Variants in ASCC3 observed in about 807,000 individuals in gnomAD.
ASCC3 encodes ASC-1 complex subunit P200.
Under a neutral mutation model 256.3 loss-of-function variants are expected in ASCC3, and 158 were observed. That is an observed-to-expected ratio of 0.62 (90% CI 0.54 to 0.70). The LOEUF (loss-of-function observed/expected upper bound fraction) is 0.70. Among genes scored for constraint, ASCC3 ranks in the 30% least tolerant of loss-of-function variants. The pLI is 0.00. For missense variants in ASCC3, 2,259 were observed against 2,626.0 expected, an observed-to-expected ratio of 0.86 and a Z score of 3.05; for synonymous variants, 948 against 883.4, an observed-to-expected ratio of 1.07 and a Z score of -1.30.
intron 36 of ASCC3, among the ~76,000 whole-genome samples, chr6:100,568,244 T>C (rs1015931560): frequency 1.1e-4 from 17 of 151,776 alleles, no homozygotes; most frequent in African/African-American, 4.1e-4. Context: ...GGTGGGCGCC[T>C]ATAATCCCAG....
intron 13 of ASCC3, among the ~76,000 whole-genome samples, chr6:100,691,997 G>A (rs1175903758): frequency 6.6e-6 from 1 of 151,964 alleles, no homozygotes; most frequent in African/African-American, 2.4e-5. Flanking sequence ...AAGACACCTG[G>A]CACATGGAAG....
At chr6:100,573,303 G>A (rs1770691949) in intron 36 of ASCC3, among the ~76,000 whole-genome samples, 1 of 152,088 alleles carries the variant, frequency 6.6e-6, no homozygotes, top group Non-Finnish European at 1.5e-5. Context: ...TCTGGGACAT[G>A]AATCATGAAT....
chr6:100,664,763 C>T (rs1379359152), intron 14 of ASCC3, among the ~76,000 whole-genome samples: 1 of 152,112 alleles, frequency 6.6e-6, no homozygotes, highest in African/African-American at 2.4e-5. Flanking sequence ...GGTGTATTTG[C>T]TAAGAGCTCC....
chr6:100,604,216 G>A (rs1772769728), intron 33 of ASCC3, among the ~76,000 whole-genome samples: 1 of 151,836 alleles, frequency 6.6e-6, no homozygotes. Context: ...GCATTAGGTT[G>A]TTAATATCCT....
At chr6:100,785,184 A>G (rs990364684) in intron 8 of ASCC3, among the ~76,000 whole-genome samples, 24 of 152,172 alleles carry the variant, frequency 1.6e-4, no homozygotes, top group African/African-American at 5.5e-4. Context: ...AAGCACCTCA[A>G]AAGAGTAACC....
chr6:100,745,432 A>G (rs1780617374), intron 10 of ASCC3, among the ~76,000 whole-genome samples: 1 of 150,870 alleles, frequency 6.6e-6, no homozygotes. Flanking sequence ...GGTTGCAGTG[A>G]GCTGAAATTG....
chr6:100,585,735 T>C (rs951881588), intron 36 of ASCC3, among the ~76,000 whole-genome samples: 2 of 152,182 alleles, frequency 1.3e-5, no homozygotes, highest in Non-Finnish European at 2.9e-5. Flanking sequence ...TCTTTGATGA[T>C]GGTGATGTAC....
chr6:100,842,688 G>C (rs1772203546), intron 4 of ASCC3, among the ~76,000 whole-genome samples: 1 of 151,868 alleles, frequency 6.6e-6, no homozygotes, highest in Non-Finnish European at 1.5e-5. Flanking sequence ...AAATGATTTG[G>C]GGCTGGGTGC....
chr6:100,764,473 T>C (rs1781558074), intron 10 of ASCC3, among the ~76,000 whole-genome samples: 2 of 152,162 alleles, frequency 1.3e-5, no homozygotes, highest in African/African-American at 4.8e-5. Flanking sequence ...TGACTATAGT[T>C]TATATTGAGA....
intron 13 of ASCC3, among the ~76,000 whole-genome samples, chr6:100,695,053 C>A (rs1778019881): frequency 6.6e-6 from 1 of 152,100 alleles, no homozygotes. Context: ...ACATTTACTA[C>A]CTGGTGTCAA....
chr6:100,735,944 A>G (rs1780135275), intron 10 of ASCC3, among the ~76,000 whole-genome samples: 3 of 152,076 alleles, frequency 2.0e-5, no homozygotes. Context: ...TGGCATCTCC[A>G]TACCCACATT....
At position 100,530,966 on chromosome 6, in the gene ASCC3, G is replaced by T. The variant is rs545195772; in HGVS notation, c.5775+9197C>A. The T allele has an allele frequency of 3.9e-6, 6 of 1,538,856 alleles. No individual in the cohort carries two copies. In the Admixed American group the frequency reaches 8.4e-5, roughly 21 times the overall value. ...GATTGCAAATCACGTGTCTAATTAT[G>T]ATGAAGGAGCATGGCCTGTTCTTAT... On this transcript the variant is annotated intron_variant, in intron 37 of 41. Transcript: ENST00000369162.
chr6:100,631,028 A>C, intron 26 of ASCC3, 100 bp downstream of exon 26: 6 of 848,276 alleles, frequency 7.1e-6, no homozygotes, highest in Non-Finnish European at 1.1e-5. Context: ...AAAGACTATG[A>C]AAATCACTGT....
intron 10 of ASCC3, among the ~76,000 whole-genome samples, chr6:100,751,210 G>C (rs181434362): frequency 2.6e-4 from 40 of 152,050 alleles, no homozygotes; most frequent in African/African-American, 9.2e-4. Flanking sequence ...TCTGACCCAA[G>C]TTTCTTATAC....
At chr6:100,783,378 T>C (rs1782536574) in intron 8 of ASCC3, among the ~76,000 whole-genome samples, 1 of 152,206 alleles carries the variant, frequency 6.6e-6, no homozygotes, top group Non-Finnish European at 1.5e-5. Flanking sequence ...TGGTCTCATC[T>C]AAACCTCAAT....
chr6:100,820,576 T>TA (rs368343129), intron 4 of ASCC3, among the ~76,000 whole-genome samples: 3,925 of 151,344 alleles, frequency 0.026, 77 homozygotes, highest in African/African-American at 0.046. Flanking sequence ...GTAGATATGG[T>TA]AAAAAAAAAT....
chr6:100,589,750 G>T lies in ASCC3; in HGVS notation c.5434C>A (p.Pro1812Thr), dbSNP rs747116982. 4 of 1,613,514 alleles carry T rather than the reference G, an allele frequency of 2.5e-6. No homozygotes were observed. The African/African-American group carries it at 4.0e-5, about 16-fold the overall frequency. ...EIGEDNRSIE[P>T]LTYGRIASYY... is the part of the protein sequence containing the mutation. ...GAGGCAATTCGGCCATAAGTTAGAGGTTCAATGCTGCGATTATCCTATTTC... is the reference window on the plus strand; with the variant it reads ...GAGGCAATTCGGCCATAAGTTAGAGTTTCAATGCTGCGATTATCCTATTTC... Residue 1812 changes from proline (P) to threonine (T), a missense_variant, in exon 36 of 42, where the codon CCT becomes ACT. This residue lies in a region of ASCC3 where 1,839 missense variants were observed against 2,206.7 expected (regional missense o/e 0.83). Transcript: ENST00000369162.
At chr6:100,792,519 A>G (rs1343118654) in intron 8 of ASCC3, among the ~76,000 whole-genome samples, 1 of 151,912 alleles carries the variant, frequency 6.6e-6, no homozygotes, top group East Asian at 1.9e-4. Context: ...TGCTTTGTCT[A>G]TCTGGCAAAG....
intron 36 of ASCC3, among the ~76,000 whole-genome samples, chr6:100,564,974 C>G (rs529359104): frequency 1.4e-4 from 21 of 152,122 alleles, no homozygotes; most frequent in Non-Finnish European, 2.8e-4. Flanking sequence ...TCTTGAAAAA[C>G]TATATTTTAT....
Sources: gnomAD v4.1 joint callset for allele counts (sites outside exome capture counted in the v4.1 genomes callset) on GRCh38, gnomAD v4.1.1 for gene constraint, gnomAD v4.1.1 regional missense constraint, MANE v1.5 for transcripts, NCBI Gene and HGNC (gene_info 2026-07-23, HGNC 2026-07-21) for gene names.